The following SEC24D variants were observed in gnomAD, a reference collection of about 807,000 sequenced individuals.
SEC24D encodes SEC24 homolog D, COPII component.
In SEC24D, 69 loss-of-function variants were observed where a neutral mutation model predicts 116.9. The observed-to-expected ratio is 0.59, with a 90% CI of 0.49 to 0.72. The LOEUF (loss-of-function observed/expected upper bound fraction) is 0.72. Among genes scored for constraint, SEC24D ranks in the 30% least tolerant of loss-of-function variants. SEC24D has a pLI of 0.00. For missense variants in SEC24D, 1,131 were observed against 1,264.1 expected (o/e 0.89, Z 1.60); for synonymous variants, 405 against 442.8 (o/e 0.91, Z 1.07).
intron 2 of SEC24D, among the ~76,000 whole-genome samples, chr4:118,827,056 G>T (rs927184013): frequency 6.6e-6 from 1 of 152,280 alleles, no homozygotes; most frequent in South Asian, 2.1e-4. Flanking sequence ...GGACAAGCAG[G>T]AGTTTTCTTC....
intron 2 of SEC24D, among the ~76,000 whole-genome samples, chr4:118,829,026 C>G (rs1337965588): frequency 6.6e-6 from 1 of 152,204 alleles, no homozygotes; most frequent in African/African-American, 2.4e-5. Context: ...CACCCTAAGT[C>G]TTGTTTAGGT....
At chr4:118,755,006 G>A (rs547760562) in intron 11 of SEC24D, among the ~76,000 whole-genome samples, 8 of 152,056 alleles carry the variant, frequency 5.3e-5, no homozygotes, top group South Asian at 2.1e-4. Context: ...TTCAAGTGAC[G>A]GGAAAGGAGT....
At chr4:118,835,769 T>C (rs927492312) in intron 1 of SEC24D, among the ~76,000 whole-genome samples, 172 bp downstream of exon 1, 1 of 152,242 alleles carries the variant, frequency 6.6e-6, no homozygotes, top group African/African-American at 2.4e-5. Context: ...GGCCCCACTA[T>C]TAAACTGCAC....
intron 15 of SEC24D, among the ~76,000 whole-genome samples, chr4:118,743,363 AC>A (rs1726333992): frequency 6.6e-6 from 1 of 151,828 alleles, no homozygotes; most frequent in South Asian, 2.1e-4. Context: ...ATATACACAC[AC>A]ACACACACAC....
intron 3 of SEC24D, among the ~76,000 whole-genome samples, chr4:118,822,986 ATCT>A (rs2110533420): frequency 6.6e-6 from 1 of 152,026 alleles, no homozygotes; most frequent in East Asian, 1.9e-4. Context: ...ATTTTTCCAG[ATCT>A]TCTCCCCTTT....
rs189160935 is a variant in SEC24D at position 118,765,196 on chromosome 4, C to T, written c.1181-279G>A. 3.9e-4 allele frequency among the ~76,000 whole-genome samples: 60 copies of T among 152,284 alleles called. 1 individual carries two copies. The East Asian group carries it at 0.011, about 28-fold the overall frequency. On this transcript the variant is annotated intron_variant, in intron 9 of 22. Transcript: ENST00000280551. ...AAGTATTGGTGTTTTTAAGTTGTCA[C>T]AACCCAAATTCAATTGTCCCCATTT... is the stretch of plus-strand genomic sequence containing the variant.
intron 7 of SEC24D, among the ~76,000 whole-genome samples, chr4:118,799,694 T>C (rs1729336809): frequency 6.6e-6 from 1 of 152,102 alleles, no homozygotes; most frequent in African/African-American, 2.4e-5. Flanking sequence ...AAGTGAAGTG[T>C]AGGATGTGTA....
chr4:118,728,241 A>AT (rs1223940123), intron 22 of SEC24D, among the ~76,000 whole-genome samples: 1 of 152,224 alleles, frequency 6.6e-6, no homozygotes, highest in East Asian at 1.9e-4. Context: ...TACTTTTATA[A>AT]TTAAGTAATT....
At chr4:118,821,003 A>G (rs1730378558) in intron 3 of SEC24D, among the ~76,000 whole-genome samples, 2 of 152,152 alleles carry the variant, frequency 1.3e-5, no homozygotes, top group South Asian at 4.1e-4. Context: ...CCCATATTCA[A>G]GTTTGCAATA....
intron 8 of SEC24D, among the ~76,000 whole-genome samples, chr4:118,784,197 G>A (rs1728556731): frequency 6.6e-6 from 1 of 151,980 alleles, no homozygotes; most frequent in South Asian, 2.1e-4. Flanking sequence ...AATTTAAAAA[G>A]TTGAGAAAAA....
At chr4:118,793,535 A>C (rs967570530) in intron 8 of SEC24D, among the ~76,000 whole-genome samples, 1 of 151,376 alleles carries the variant, frequency 6.6e-6, no homozygotes, top group African/African-American at 2.4e-5. Context: ...GCATCTAGCT[A>C]GCTGGTGTAG....
chr4:118,735,539 C>T (rs970323399), intron 19 of SEC24D, among the ~76,000 whole-genome samples: 7 of 151,950 alleles, frequency 4.6e-5, no homozygotes, highest in Admixed American at 1.3e-4. Flanking sequence ...AAAAAGAAAG[C>T]TTATTTTGCA....
intron 2 of SEC24D, among the ~76,000 whole-genome samples, chr4:118,830,329 A>G (rs1730792211): frequency 6.6e-6 from 1 of 152,232 alleles, no homozygotes; most frequent in Admixed American, 6.5e-5. Context: ...TTGCGAGGCC[A>G]AGGCGAGAGG....
At chr4:118,723,960 T>C (rs1412703498) in intron 22 of SEC24D, among the ~76,000 whole-genome samples, 4 of 152,160 alleles carry the variant, frequency 2.6e-5, no homozygotes, top group African/African-American at 9.7e-5. Context: ...GGCTAGAAAG[T>C]GTTCCATACT....
At chr4:118,780,696 C>T in intron 8 of SEC24D, among the ~76,000 whole-genome samples, 1 of 151,280 alleles carries the variant, frequency 6.6e-6, no homozygotes, top group East Asian at 1.9e-4. Context: ...AAAAGTCTCC[C>T]ATTATTATTG....
At chr4:118,740,543 G>T in intron 17 of SEC24D, 120 bp downstream of exon 17, 1 of 1,125,112 alleles carries the variant, frequency 8.9e-7, no homozygotes, top group Non-Finnish European at 1.3e-6. Flanking sequence ...TTTGACTTTG[G>T]AGAAAGAGTT....
chr4:118,797,580 C>A, intron 8 of SEC24D, 103 bp downstream of exon 8: 1 of 839,208 alleles, frequency 1.2e-6, no homozygotes. Flanking sequence ...AAATATATTC[C>A]AGTTTCCTGT....
intron 3 of SEC24D, among the ~76,000 whole-genome samples, chr4:118,823,037 G>C (rs980763605): frequency 6.6e-6 from 1 of 152,076 alleles, no homozygotes; most frequent in Non-Finnish European, 1.5e-5. Context: ...CATTTTACAA[G>C]TGAAAATGAG....
intron 2 of SEC24D, among the ~76,000 whole-genome samples, chr4:118,827,828 T>C (rs1441479916): frequency 6.6e-6 from 1 of 152,104 alleles, no homozygotes; most frequent in African/African-American, 2.4e-5. Context: ...CCCTTTCCAC[T>C]AAAGGGGACT....
Sources: gnomAD v4.1 joint callset for allele counts (sites outside exome capture counted in the v4.1 genomes callset) on GRCh38, gnomAD v4.1.1 for gene constraint, MANE v1.5 for transcripts, NCBI Gene and HGNC (gene_info 2026-07-23, HGNC 2026-07-21) for gene names.